Variants in UBE2D2 observed in about 807,000 individuals in gnomAD.
UBE2D2 encodes the protein ubiquitin-conjugating enzyme E2 D2.
A neutral mutation model predicts 24.2 loss-of-function variants in UBE2D2; 2 were observed. That is an observed-to-expected ratio of 0.08 (90% CI 0.03 to 0.26). UBE2D2 has a LOEUF of 0.26. UBE2D2 is among the 10% of genes least tolerant of loss of function. The pLI, the probability that UBE2D2 is intolerant of heterozygous loss-of-function variation, is 1.00. For synonymous variants in UBE2D2, 58 were observed against 56.5 expected (o/e 1.03, Z -0.12); for missense variants, 44 against 177.6 (o/e 0.25, Z 4.28).
intron 1 of UBE2D2, among the ~76,000 whole-genome samples, chr5:139,555,218 G>A (rs1202111847): frequency 6.6e-6 from 1 of 151,836 alleles, no homozygotes; most frequent in Non-Finnish European, 1.5e-5. Flanking sequence ...GCTAATTTTT[G>A]TATTTTTTGT....
chr5:139,526,814 T>A (rs1427756381), intron 1 of UBE2D2, among the ~76,000 whole-genome samples: 2 of 152,238 alleles, frequency 1.3e-5, no homozygotes, highest in Admixed American at 1.3e-4. Context: ...GCACTTTTGT[T>A]CTGGTTTTGA....
intron 1 of UBE2D2, among the ~76,000 whole-genome samples, chr5:139,596,190 C>T (rs1021708106): frequency 2.6e-5 from 4 of 151,788 alleles, no homozygotes; most frequent in Admixed American, 6.6e-5. Context: ...CTGTGCCTGG[C>T]GTTTCTTGTG....
At chr5:139,610,548 A>AT (rs1269905490) in intron 2 of UBE2D2, among the ~76,000 whole-genome samples, 31 of 151,036 alleles carry the variant, frequency 2.1e-4, no homozygotes, top group Admixed American at 1.5e-3. Context: ...TCAAAAAAAA[A>AT]ATATATTTTT....
chr5:139,599,375 A>G (rs1311915325), intron 1 of UBE2D2, among the ~76,000 whole-genome samples: 1 of 152,100 alleles, frequency 6.6e-6, no homozygotes, highest in East Asian at 1.9e-4. Context: ...GTGTAACCTA[A>G]TAGTTTTGAG....
At chr5:139,574,507 G>C (rs979855409) in intron 1 of UBE2D2, among the ~76,000 whole-genome samples, 2 of 151,726 alleles carry the variant, frequency 1.3e-5, no homozygotes, top group African/African-American at 4.8e-5. Context: ...CATACTTGGG[G>C]ACCCAGCAGA....
chr5:139,530,022 T>A (rs1752582554), intron 1 of UBE2D2, among the ~76,000 whole-genome samples: 1 of 152,048 alleles, frequency 6.6e-6, no homozygotes, highest in Admixed American at 6.6e-5. Flanking sequence ...GTTCTAAAAG[T>A]CTCAATTATT....
At chr5:139,530,327 A>C (rs1438725823) in intron 1 of UBE2D2, among the ~76,000 whole-genome samples, 3 of 152,216 alleles carry the variant, frequency 2.0e-5, no homozygotes, top group African/African-American at 7.2e-5. Flanking sequence ...CCATTAAGCC[A>C]TCTTTCTTCT....
chr5:139,615,055 CT>C, intron 5 of UBE2D2, 89 bp downstream of exon 5: 1 of 1,279,796 alleles, frequency 7.8e-7, no homozygotes, highest in South Asian at 1.4e-5. Context: ...ACTTATGTTT[CT>C]TTTAAGAAGA....
chr5:139,598,595 C>CTT (rs1159645365), intron 1 of UBE2D2, among the ~76,000 whole-genome samples: 2 of 130,552 alleles, frequency 1.5e-5, no homozygotes, highest in Non-Finnish European at 3.1e-5. Context: ...GAGTCTCCCT[C>CTT]TGTCACCCAG....
At chr5:139,573,758 A>G (rs1413405728) in intron 1 of UBE2D2, among the ~76,000 whole-genome samples, 1 of 152,084 alleles carries the variant, frequency 6.6e-6, no homozygotes, top group African/African-American at 2.4e-5. Flanking sequence ...TCACGAGGTC[A>G]AGAGATCGAG....
At chr5:139,591,093 A>G (rs1275267441) in intron 1 of UBE2D2, among the ~76,000 whole-genome samples, 10 of 144,820 alleles carry the variant, frequency 6.9e-5, no homozygotes, top group Non-Finnish European at 1.4e-4. Context: ...CACTGTGCCC[A>G]ACCTATGGTG....
intron 5 of UBE2D2, 23 bp downstream of exon 5, chr5:139,614,989 A>G (rs373016071): frequency 2.1e-5 from 33 of 1,565,740 alleles, no homozygotes; most frequent in Non-Finnish European, 2.6e-5. Flanking sequence ...ATTTGATATC[A>G]AGATAAAGCA....
At chr5:139,577,085 A>G (rs1753487553) in intron 1 of UBE2D2, among the ~76,000 whole-genome samples, 1 of 151,694 alleles carries the variant, frequency 6.6e-6, no homozygotes, top group Non-Finnish European at 1.5e-5. Context: ...CATCTTATAG[A>G]GATTGTCTGT....
chr5:139,583,821 C>A (rs1753659040), intron 1 of UBE2D2, among the ~76,000 whole-genome samples: 1 of 152,062 alleles, frequency 6.6e-6, no homozygotes, highest in Non-Finnish European at 1.5e-5. Context: ...AGGAAAGGTT[C>A]TTGAATGAAT....
At chr5:139,575,090 C>T (rs1257634177) in intron 1 of UBE2D2, among the ~76,000 whole-genome samples, 2 of 152,100 alleles carry the variant, frequency 1.3e-5, no homozygotes, top group South Asian at 2.1e-4. Flanking sequence ...GTGAAACAAC[C>T]CTGCCACTTA....
chr5:139,541,976 C>T (rs772292872), intron 1 of UBE2D2, among the ~76,000 whole-genome samples: 1 of 152,080 alleles, frequency 6.6e-6, no homozygotes, highest in African/African-American at 2.4e-5. Context: ...CGCCTGAGGT[C>T]AGGAGTTCAA....
At chr5:139,614,676 C>T (rs772368570) in intron 3 of UBE2D2, 21 bp from the exon 4 acceptor site, 7 of 1,613,512 alleles carry the variant, frequency 4.3e-6, no homozygotes, top group Admixed American at 1.7e-5. Context: ...ATTTTAATCC[C>T]ACTTTTCTTG....
At chr5:139,526,581 T>G (rs749650960) in exon 1 of UBE2D2, 5 of 152,332 alleles carry the variant, frequency 3.3e-5, no homozygotes, top group Non-Finnish European at 7.3e-5. Flanking sequence ...GGGAAGGAAC[T>G]GGCACTTGGG....
chr5:139,573,927 C>T lies in UBE2D2; in HGVS notation c.24+12112C>T, dbSNP rs1208142819. Among the ~76,000 whole-genome samples the T allele has an allele frequency of 5.3e-5, 8 of 152,032 alleles. No individual in the cohort carries two copies. In the South Asian group the frequency reaches 1.2e-3, roughly 24 times the overall value. On this transcript the variant is annotated intron_variant, in intron 1 of 6. Transcript: ENST00000398733. ...CGGAGCTTGCAGTGAGCTGAGATCA[C>T]GCCACTGCGCTCCAGCCTGGGCGAC...
Sources: gnomAD v4.1 joint callset for allele counts (sites outside exome capture counted in the v4.1 genomes callset) on GRCh38, gnomAD v4.1.1 for gene constraint, MANE v1.5 for transcripts, NCBI Gene and HGNC (gene_info 2026-07-23, HGNC 2026-07-21) for gene names.